Variants in WRN observed in about 807,000 individuals in gnomAD.
WRN encodes the protein bifunctional 3'-5' exonuclease/ATP-dependent helicase WRN.
WRN carries 149 observed loss-of-function variants against 180.7 expected under a neutral mutation model. That is an observed-to-expected ratio of 0.82 (90% confidence interval 0.72 to 0.94). The LOEUF is 0.94. Ranked by LOEUF, WRN falls within the 40% of genes least tolerant of loss-of-function variation. The pLI, the probability that WRN is intolerant of heterozygous loss-of-function variation, is 0.00. For synonymous variants in WRN, 548 were observed against 568.9 expected, an observed-to-expected ratio of 0.96 and a Z score of 0.52; for missense variants, 1,661 against 1,700.1, an observed-to-expected ratio of 0.98 and a Z score of 0.40.
chr8:31,151,313 T>G (rs1380869811), intron 31 of WRN, among the ~76,000 whole-genome samples: 1 of 152,252 alleles, frequency 6.6e-6, no homozygotes, highest in African/African-American at 2.4e-5. Context: ...GATTATTTTT[T>G]ACTTCCAAGA....
chr8:31,168,080 T>C (rs1282427591), intron 34 of WRN, among the ~76,000 whole-genome samples: 2 of 152,260 alleles, frequency 1.3e-5, no homozygotes, highest in East Asian at 3.9e-4. Flanking sequence ...CCCTACTTTT[T>C]TGAATTGCTT....
In WRN at chr8:31,111,954, A is replaced by G. The variant is rs185675016; in HGVS notation, c.2273+155A>G. ...TGGTTCAAGTCAAGCATGATGTTAT[A>G]TAATCAATTCAGTGATTGAGACTAG... On this transcript the variant is annotated intron_variant, in intron 19 of 34. Transcript: ENST00000298139. 5.9e-4 allele frequency among the ~76,000 whole-genome samples: 90 copies of G among 152,284 alleles called. 2 individuals carry two copies. The highest frequency in any genetic ancestry group is 2.0e-3 in the Admixed American group (30 of 15,288).
intron 12 of WRN, 99 bp from the exon 13 acceptor site, chr8:31,088,791 A>C: frequency 1.0e-6 from 1 of 979,998 alleles, no homozygotes; most frequent in South Asian, 1.4e-5. Context: ...GGTAGCTGTC[A>C]CTGTATTCTT....
intron 7 of WRN, among the ~76,000 whole-genome samples, chr8:31,073,791 C>T (rs563876603): frequency 6.6e-6 from 1 of 152,110 alleles, no homozygotes; most frequent in East Asian, 1.9e-4. Context: ...TCTGAAGCCA[C>T]CTGAAGAAAA....
At chr8:31,164,509 T>A (rs932198457) in intron 33 of WRN, among the ~76,000 whole-genome samples, 8 of 152,320 alleles carry the variant, frequency 5.3e-5, no homozygotes, top group Non-Finnish European at 1.2e-4. Context: ...AGCTATTAAT[T>A]TCATACTCTT....
At chr8:31,087,679 A>G in intron 11 of WRN, 97 bp from the exon 12 acceptor site, 1 of 1,319,962 alleles carries the variant, frequency 7.6e-7, no homozygotes, top group Non-Finnish European at 1.1e-6. Context: ...CTTTCGACAA[A>G]ATTGTAGGCC....
chr8:31,087,743 GTTTTGCTTTTAAGA>G lies in WRN; in HGVS notation c.1432-29_1432-16del, dbSNP rs758082531. On this transcript the variant is annotated intron_variant, in intron 11 of 34. Transcript: ENST00000298139. ...TGAAAAAGATACGACACTGTCAGTG[GTTTTGCTTTTAAGA>G]TTTCTTTTAAACTTTCAGTCTTTAG... 17 of 1,600,992 alleles carry G rather than the reference GTTTTGCTTTTAAGA, an allele frequency of 1.1e-5. No homozygotes were observed. Among genetic ancestry groups the G allele is most frequent in the Non-Finnish European group, 1.5e-5 (17 of 1,169,532 alleles).
intron 7 of WRN, among the ~76,000 whole-genome samples, chr8:31,072,848 G>T (rs1024196816): frequency 5.3e-5 from 8 of 152,136 alleles, no homozygotes; most frequent in African/African-American, 1.4e-4. Context: ...TGAAGTGAGG[G>T]AGCCATGTGG....
At chr8:31,075,531 C>T (rs1033423178) in intron 7 of WRN, among the ~76,000 whole-genome samples, 2 of 150,262 alleles carry the variant, frequency 1.3e-5, no homozygotes, top group Non-Finnish European at 3.0e-5. Flanking sequence ...GCCACCATTG[C>T]GAAACACTGT....
chr8:31,068,414 C>T (rs1472593898), intron 7 of WRN, 87 bp downstream of exon 7: 4 of 1,106,234 alleles, frequency 3.6e-6, no homozygotes, highest in African/African-American at 3.1e-5. Context: ...ATTTGCAAAG[C>T]ATTTAGTACT....
At chr8:31,097,379 C>A (rs1455058702) in intron 17 of WRN, among the ~76,000 whole-genome samples, 30 of 152,114 alleles carry the variant, frequency 2.0e-4, no homozygotes, top group Non-Finnish European at 1.2e-4. Flanking sequence ...TGGGTTGGCA[C>A]CTGGCATTGG....
At chr8:31,120,211 G>A in intron 20 of WRN, 32 bp from the exon 21 acceptor site, 3 of 1,611,344 alleles carry the variant, frequency 1.9e-6, no homozygotes, top group South Asian at 2.2e-5. Context: ...TGCTAAATAT[G>A]TTTGTCAAAC....
intron 21 of WRN, among the ~76,000 whole-genome samples, chr8:31,122,644 T>C (rs1801765838): frequency 1.3e-5 from 2 of 152,010 alleles, no homozygotes; most frequent in African/African-American, 4.8e-5. Context: ...TTTAGAATTT[T>C]TTTAATTTTC....
At chr8:31,136,033 T>G (rs896695814) in intron 24 of WRN, among the ~76,000 whole-genome samples, 1 of 152,198 alleles carries the variant, frequency 6.6e-6, no homozygotes, top group African/African-American at 2.4e-5. Context: ...GAATGTGATA[T>G]GTCACCCAGG....
chr8:31,085,450 G>A lies in WRN; in HGVS notation c.1431+204G>A, dbSNP rs113202249. Among the ~76,000 whole-genome samples, 488 of 150,974 alleles carry A rather than the reference G, an allele frequency of 3.2e-3. 2 individuals carry two copies. The highest frequency in any genetic ancestry group is 0.011 in the African/African-American group (454 of 41,220). ...TAGAGGTAATATACTAATTTTAATTGTGCTTTCTTTGTTCCTTCTTTTTTT... is the reference window on the plus strand; with the variant it reads ...TAGAGGTAATATACTAATTTTAATTATGCTTTCTTTGTTCCTTCTTTTTTT... On this transcript the variant is annotated intron_variant, in intron 11 of 34. Transcript: ENST00000298139.
intron 3 of WRN, among the ~76,000 whole-genome samples, chr8:31,062,417 T>C (rs1812523130): frequency 6.6e-6 from 1 of 151,540 alleles, no homozygotes; most frequent in Admixed American, 6.6e-5. Context: ...CAATTTTTTT[T>C]TTTTTTTTTA....
rs1804246505 is a variant in WRN at position 31,175,367 on chromosome 8, G to A, written c.*2265G>A. On this transcript the variant is annotated 3_prime_UTR_variant, in exon 35 of 35. Transcript: ENST00000298139. ...GGAGAATCGCTTGAACTCAGGAGGCGGAGATTGCAGTGAGCTGAGACTGCG... is the reference window on the plus strand; with the variant it reads ...GGAGAATCGCTTGAACTCAGGAGGCAGAGATTGCAGTGAGCTGAGACTGCG... 6.6e-6 allele frequency among the ~76,000 whole-genome samples: 1 copy of A among 152,094 alleles called. No homozygotes were observed. Among genetic ancestry groups the A allele is most frequent in the Non-Finnish European group, 1.5e-5 (1 of 68,012 alleles).
intron 28 of WRN, among the ~76,000 whole-genome samples, chr8:31,144,208 T>C (rs1802772727): frequency 6.6e-6 from 1 of 152,230 alleles, no homozygotes; most frequent in Admixed American, 6.5e-5. Context: ...GTCATGTCTT[T>C]GTGTTATATT....
Position 31,090,019 on chromosome 8 carries a change from A to G in WRN, c.1653-446A>G, listed in dbSNP as rs145478619. ...TGGTGTAAAATTTGCACGTAAGGAA[A>G]TATAAAACTTTAAGTGTACATTTGC... On this transcript the variant is annotated intron_variant, in intron 13 of 34. Coordinates refer to ENST00000298139, the MANE Select transcript of WRN (RefSeq NM_000553.6). 6.2e-3 allele frequency among the ~76,000 whole-genome samples: 950 copies of G among 152,040 alleles called. 11 individuals are homozygous for G. The highest frequency in any genetic ancestry group is 0.021 in the African/African-American group (884 of 41,530).
Sources: gnomAD v4.1 joint callset for allele counts (sites outside exome capture counted in the v4.1 genomes callset) on GRCh38, gnomAD v4.1.1 for gene constraint, MANE v1.5 for transcripts, NCBI Gene and HGNC (gene_info 2026-07-23, HGNC 2026-07-21) for gene names.